The following TNR variants were observed in gnomAD, a reference collection of about 807,000 sequenced individuals.
TNR encodes the protein tenascin R, also known as tenascin-R.
In TNR, 45 loss-of-function variants were observed where a neutral mutation model predicts 150.4. That is an observed-to-expected ratio of 0.30 (90% confidence interval 0.24 to 0.38). TNR has a LOEUF of 0.38. Ranked by LOEUF, TNR falls within the 10% of genes least tolerant of loss-of-function variation. TNR has a pLI of 1.00. For synonymous variants in TNR, 687 were observed against 678.4 expected, an observed-to-expected ratio of 1.01 and a Z score of -0.20; for missense variants, 1,544 against 1,759.1, an observed-to-expected ratio of 0.88 and a Z score of 2.19.
At chr1:175,710,455 G>T (rs182289709) in intron 1 of TNR, among the ~76,000 whole-genome samples, 13 of 152,232 alleles carry the variant, frequency 8.5e-5, no homozygotes, top group Non-Finnish European at 1.6e-4. Flanking sequence ...TCAGTGACCT[G>T]CACTGGAGTG....
At chr1:175,510,352 A>G (rs1478461294) in intron 2 of TNR, among the ~76,000 whole-genome samples, 1 of 144,074 alleles carries the variant, frequency 6.9e-6, no homozygotes, top group African/African-American at 2.5e-5. Context: ...AACTGTGAAG[A>G]CCTTTGCCCA....
intron 1 of TNR, among the ~76,000 whole-genome samples, chr1:175,730,070 G>A (rs1293590997): frequency 6.6e-5 from 10 of 152,180 alleles, no homozygotes; most frequent in Admixed American, 6.5e-4. Context: ...CTGAAAGGAA[G>A]ACCAAATTCC....
intron 1 of TNR, among the ~76,000 whole-genome samples, chr1:175,705,546 C>A (rs1301520862): frequency 6.6e-6 from 1 of 151,814 alleles, no homozygotes; most frequent in Non-Finnish European, 1.5e-5. Flanking sequence ...AAATAGATGC[C>A]AAACCAATGG....
intron 1 of TNR, among the ~76,000 whole-genome samples, chr1:175,717,635 C>CACTA (rs1558088864): frequency 6.6e-6 from 1 of 152,202 alleles, no homozygotes; most frequent in African/African-American, 2.4e-5. Flanking sequence ...AAAGTCAATG[C>CACTA]ACTAAGGTGT....
intron 1 of TNR, among the ~76,000 whole-genome samples, chr1:175,742,335 C>T (rs141696019): frequency 6.6e-6 from 1 of 152,180 alleles, no homozygotes; most frequent in Non-Finnish European, 1.5e-5. Context: ...TTTGTTTCTG[C>T]TCACCCTAGA....
intron 1 of TNR, among the ~76,000 whole-genome samples, chr1:175,611,377 G>C (rs1663593714): frequency 6.6e-6 from 1 of 151,960 alleles, no homozygotes; most frequent in African/African-American, 2.4e-5. Context: ...CTGTTGCCCA[G>C]CCTGGAGTGC....
chr1:175,594,111 C>T (rs1358652952), intron 1 of TNR, among the ~76,000 whole-genome samples: 13 of 152,166 alleles, frequency 8.5e-5, no homozygotes, highest in Admixed American at 4.6e-4. Context: ...GTTCCTTAAG[C>T]CCCATGGAAC....
At chr1:175,472,813 C>G (rs192306908) in intron 2 of TNR, among the ~76,000 whole-genome samples, 1 of 152,318 alleles carries the variant, frequency 6.6e-6, no homozygotes, top group African/African-American at 2.4e-5. Context: ...TCTGTAACAT[C>G]TACTATCCCT....
chr1:175,432,145 A>G (rs913388875), intron 2 of TNR, among the ~76,000 whole-genome samples: 2 of 152,248 alleles, frequency 1.3e-5, no homozygotes, highest in Middle Eastern at 3.4e-3. Flanking sequence ...TCCACAGAGG[A>G]CAATCTGTCC....
chr1:175,440,209 G>C (rs34605676), intron 2 of TNR, among the ~76,000 whole-genome samples: 27,995 of 151,996 alleles, frequency 0.18, 3,002 homozygotes, highest in African/African-American at 0.29. Flanking sequence ...AAGATGATGA[G>C]TTCATGTCCT....
chr1:175,533,158 T>C (rs938918469), intron 1 of TNR, among the ~76,000 whole-genome samples: 1 of 152,242 alleles, frequency 6.6e-6, no homozygotes, highest in African/African-American at 2.4e-5. Context: ...AGTGTAACAT[T>C]TGGCTCAAAT....
At chr1:175,526,127 T>C (rs1339653928) in intron 2 of TNR, among the ~76,000 whole-genome samples, 1 of 152,226 alleles carries the variant, frequency 6.6e-6, no homozygotes, top group Non-Finnish European at 1.5e-5. Flanking sequence ...TTTTCCTTTT[T>C]GGGAGTGAAC....
At chr1:175,617,798 C>G (rs1353794380) in intron 1 of TNR, among the ~76,000 whole-genome samples, 1 of 152,194 alleles carries the variant, frequency 6.6e-6, no homozygotes, top group Non-Finnish European at 1.5e-5. Context: ...TACACAACAT[C>G]TTTTTTTATT....
intron 1 of TNR, among the ~76,000 whole-genome samples, chr1:175,652,896 AG>A (rs1312788848): frequency 6.6e-6 from 1 of 152,254 alleles, no homozygotes; most frequent in Non-Finnish European, 1.5e-5. Flanking sequence ...ATTCACAGCA[AG>A]GGAAAGCAAA....
intron 18 of TNR, among the ~76,000 whole-genome samples, chr1:175,351,618 A>C (rs1477542779): frequency 1.3e-5 from 2 of 152,214 alleles, no homozygotes; most frequent in Non-Finnish European, 2.9e-5. Flanking sequence ...TTTGTGCAAG[A>C]TACTTTCACA....
At chr1:175,459,259 A>G (rs1656711552) in intron 2 of TNR, among the ~76,000 whole-genome samples, 1 of 151,938 alleles carries the variant, frequency 6.6e-6, no homozygotes, top group African/African-American at 2.4e-5. Context: ...CATCACCTCT[A>G]CCATCATTAC....
intron 2 of TNR, among the ~76,000 whole-genome samples, chr1:175,480,743 A>T (rs563690634): frequency 1.3e-5 from 2 of 152,316 alleles, no homozygotes; most frequent in South Asian, 4.1e-4. Flanking sequence ...AATTCAGAAC[A>T]TATCCTCCAA....
At chr1:175,439,866 C>A (rs1279317474) in intron 2 of TNR, among the ~76,000 whole-genome samples, 1 of 152,132 alleles carries the variant, frequency 6.6e-6, no homozygotes, top group Admixed American at 6.5e-5. Context: ...ATTAAAAAGT[C>A]AAGAAACAAC....
At chr1:175,435,540 G>A (rs1258529388) in intron 2 of TNR, among the ~76,000 whole-genome samples, 1 of 152,180 alleles carries the variant, frequency 6.6e-6, no homozygotes, top group Non-Finnish European at 1.5e-5. Context: ...TTGAATATAC[G>A]AATCTGGAAT....
Sources: allele counts gnomAD v4.1 joint callset (sites outside exome capture counted in the v4.1 genomes callset), GRCh38; gene constraint gnomAD v4.1.1; transcripts MANE v1.5; gene names NCBI Gene and HGNC (gene_info 2026-07-23, HGNC 2026-07-21).